RHCG: variants seen among roughly 807,000 people sequenced by gnomAD.
RHCG encodes ammonium transporter Rh type C.
Under a neutral mutation model 55.3 loss-of-function variants are expected in RHCG, and 39 were observed. That is an observed-to-expected ratio of 0.70 (90% CI 0.55 to 0.92). RHCG has a LOEUF of 0.92. Among genes scored for constraint, RHCG ranks in the 40% least tolerant of loss-of-function variants. The pLI, the probability that RHCG is intolerant of heterozygous loss-of-function variation, is 0.00. For synonymous variants in RHCG, 250 were observed against 246.8 expected, an observed-to-expected ratio of 1.01 and a Z score of -0.12; for missense variants, 635 against 627.9, an observed-to-expected ratio of 1.01 and a Z score of -0.12.
intron 5 of RHCG, among the ~76,000 whole-genome samples, chr15:89,478,484 C>G (rs1468065676): frequency 6.6e-6 from 1 of 152,182 alleles, no homozygotes; most frequent in East Asian, 1.9e-4. Context: ...GGACAGTTAT[C>G]TTGCAACATT....
At chr15:89,476,606 C>G in intron 9 of RHCG, 149 bp downstream of exon 9, 1 of 657,576 alleles carries the variant, frequency 1.5e-6, no homozygotes, top group Non-Finnish European at 2.7e-6. Context: ...CCATGAGACA[C>G]AGCCTCCCCC....
chr15:89,496,344 C>T lies in RHCG; in HGVS notation c.184+17G>A. The T allele has an allele frequency of 6.2e-7, 1 of 1,613,010 alleles. No homozygotes were observed. Among genetic ancestry groups the T allele is most frequent in the Non-Finnish European group, 8.5e-7 (1 of 1,179,560 alleles). On this transcript the variant is annotated intron_variant, in intron 1 of 10. Transcript: ENST00000268122. Reference sequence around the variant, plus strand: ...CGCGGATATGCCTCCGCTGGGCCTGCAGGCGGCGAGACTTACTTGGGTAGC... The same window carrying T: ...CGCGGATATGCCTCCGCTGGGCCTGTAGGCGGCGAGACTTACTTGGGTAGC...
intron 2 of RHCG, among the ~76,000 whole-genome samples, chr15:89,483,822 G>A (rs1180654964): frequency 2.6e-5 from 4 of 152,180 alleles, no homozygotes; most frequent in Non-Finnish European, 5.9e-5. Context: ...GAGGGAGCAG[G>A]AAGGCCAGCA....
rs1463734867 is a variant in RHCG, at chr15:89,477,874, C to T, written c.938G>A (p.Cys313Tyr). Residue 313 changes from cysteine (C) to tyrosine (Y), a missense_variant, in exon 6 of 11, where the codon TGC (cysteine) becomes TAC (tyrosine). Physicochemically the swap from Cys to Tyr is radical, Grantham distance 194 (BLOSUM62 -2). Transcript: ENST00000268122. This position sits in a 1 kb window ranked among gnomAD's most constrained non-coding sequence, Gnocchi z 4.5. ...PYGALIIGFV[C>Y]GIISTLGFVY... ...AAAACCCAGGGTGGAGATGATGCCG[C>T]AGACGAAGCCGATGATGAGGGCACC... is the stretch of plus-strand genomic sequence containing the variant. 6.2e-7 allele frequency: 1 copy of T among 1,614,104 alleles called. No homozygotes were observed. Among genetic ancestry groups the T allele is most frequent in the South Asian group, 1.1e-5 (1 of 91,076 alleles).
intron 4 of RHCG, chr15:89,479,711 C>T (rs570381918): frequency 1.1e-5 from 6 of 555,388 alleles, no homozygotes; most frequent in Non-Finnish European, 1.6e-5. Context: ...CTACCCTGAC[C>T]CCCATTTCTG....
intron 1 of RHCG, 101 bp downstream of exon 1, chr15:89,496,260 A>G: frequency 2.5e-6 from 3 of 1,211,626 alleles, no homozygotes; most frequent in East Asian, 2.4e-5. Flanking sequence ...CCGCGGCTGC[A>G]GGGTAGATCC....
chr15:89,493,511 C>T (rs1961513665), intron 1 of RHCG, among the ~76,000 whole-genome samples: 1 of 152,228 alleles, frequency 6.6e-6, no homozygotes, highest in Admixed American at 6.5e-5. Flanking sequence ...CAGCAGGCTT[C>T]ACTCATCCCC....
chr15:89,487,090 C>G (rs988509561), intron 1 of RHCG, 105 bp from the exon 2 acceptor site: 2 of 1,049,822 alleles, frequency 1.9e-6, no homozygotes, highest in Non-Finnish European at 1.3e-6. Flanking sequence ...TTCCCCGCCA[C>G]TGGCGCGTCT....
chr15:89,486,420 G>A, intron 2 of RHCG: 1 of 458,502 alleles, frequency 2.2e-6, no homozygotes. Context: ...GGCCCGGTCG[G>A]ACCCTGCCCC....
At chr15:89,473,787 T>C (rs997655795) in intron 9 of RHCG, among the ~76,000 whole-genome samples, 11 of 152,210 alleles carry the variant, frequency 7.2e-5, no homozygotes, top group African/African-American at 2.4e-5. Context: ...CAAGAGATCC[T>C]GTAACCAATC....
At chr15:89,484,086 G>T (rs1443251225) in intron 2 of RHCG, among the ~76,000 whole-genome samples, 1 of 168 alleles carries the variant, frequency 6.0e-3, no homozygotes, top group Non-Finnish European at 0.013. Context: ...TGATGGGGTG[G>T]GTGGGGGGTC....
At chr15:89,476,602 G>T (rs1961153507) in intron 9 of RHCG, among the ~76,000 whole-genome samples, 153 bp downstream of exon 9, 1 of 152,114 alleles carries the variant, frequency 6.6e-6, no homozygotes, top group Non-Finnish European at 1.5e-5. Context: ...ACCTCCATGA[G>T]ACACAGCCTC....
intron 9 of RHCG, among the ~76,000 whole-genome samples, chr15:89,476,491 C>A (rs1961151802): frequency 6.6e-6 from 1 of 152,176 alleles, no homozygotes; most frequent in Non-Finnish European, 1.5e-5. Context: ...CCAGCTGTAG[C>A]CCTGACTATA....
At position 89,496,556 on chromosome 15, in the gene RHCG, G is replaced by A. The variant is rs1464241338; in HGVS notation, c.-12C>T. Reference sequence around the variant, plus strand: ...GTGTTCCAGGCCATGCTGCAGGGGTGCCTGGCCGGGCTGGCAGCGGGCGGT... The same window carrying A: ...GTGTTCCAGGCCATGCTGCAGGGGTACCTGGCCGGGCTGGCAGCGGGCGGT... On this transcript the variant is annotated 5_prime_UTR_variant, in exon 1 of 11. Transcript: ENST00000268122. 2.5e-6 allele frequency: 4 copies of A among 1,603,036 alleles called. No homozygotes were observed. Among genetic ancestry groups the A allele is most frequent in the East Asian group, 4.5e-5 (2 of 44,484 alleles).
intron 1 of RHCG, among the ~76,000 whole-genome samples, chr15:89,492,300 T>C (rs1033419523): frequency 6.6e-6 from 1 of 152,202 alleles, no homozygotes; most frequent in South Asian, 2.1e-4. Flanking sequence ...CCCACCAGGC[T>C]GGCTGAGTCT....
rs543708260 is a variant in RHCG, at chr15:89,483,195, C to A, written c.394G>T (p.Val132Leu). Residue 132 changes from valine (V) to leucine (L), a missense_variant, in exon 3 of 11, where the codon GTG becomes TTG. Coordinates refer to ENST00000268122, the MANE Select transcript of RHCG (RefSeq NM_016321.3). Reference protein sequence around the residue: ...VENLINADFCVASVCVAFGAV... With the variant: ...VENLINADFCLASVCVAFGAV... ...CCAAAGGCCACGCAGACAGAGGCCA[C>A]GCAGAAGTCAGCGTTGATGAGGCTG... The A allele has an allele frequency of 8.9e-6, 14 of 1,581,400 alleles. No individual in the cohort carries two copies. In the South Asian group the frequency reaches 1.2e-4, roughly 14 times the overall value.
intron 1 of RHCG, among the ~76,000 whole-genome samples, chr15:89,493,822 A>G (rs1372466898): frequency 6.6e-6 from 1 of 152,106 alleles, no homozygotes. Context: ...GACCTTTGCA[A>G]GACACTTCTC....
Position 89,496,457 on chromosome 15 carries a change from C to G in RHCG, c.88G>C (p.Val30Leu), listed in dbSNP as rs746232849. The G allele has an allele frequency of 1.2e-6, 2 of 1,614,024 alleles. No individual in the cohort carries two copies. Among genetic ancestry groups the G allele is most frequent in the Non-Finnish European group, 1.7e-6 (2 of 1,179,974 alleles). ...VIMVILFGVF[V>L]RYDFEADAHW... Reference sequence around the variant, plus strand: ...GCGTCGGCCTCGAAGTCGTAGCGCACGAACACCCCGAAGAGAATCACCATA... The same window carrying G: ...GCGTCGGCCTCGAAGTCGTAGCGCAGGAACACCCCGAAGAGAATCACCATA... Residue 30 changes from valine to leucine, a missense_variant, in exon 1 of 11, where the codon GTG (valine) becomes CTG (leucine). Val to Leu is a conservative substitution (Grantham distance 32, BLOSUM62 1). Coordinates refer to ENST00000268122, the MANE Select transcript of RHCG (RefSeq NM_016321.3).
chr15:89,485,696 T>A (rs956190717), intron 2 of RHCG, among the ~76,000 whole-genome samples: 5 of 152,232 alleles, frequency 3.3e-5, no homozygotes, highest in Admixed American at 1.3e-4. Flanking sequence ...GAAAACATTT[T>A]TTTTTCTTTA....
Sources: gnomAD v4.1 joint callset for allele counts (sites outside exome capture counted in the v4.1 genomes callset) on GRCh38, gnomAD v4.1.1 for gene constraint, Gnocchi (gnomAD v3.1) non-coding constraint, MANE v1.5 for transcripts, NCBI Gene and HGNC (gene_info 2026-07-23, HGNC 2026-07-21) for gene names.